Variants in CHST15 observed in about 807,000 individuals in gnomAD.
The protein encoded by CHST15 is B cell RAG associated protein (GALNAC4S-6ST).
CHST15 carries 30 observed loss-of-function variants against 53.6 expected under a neutral mutation model. The ratio of observed to expected loss-of-function variants is 0.56; its 90% confidence interval spans 0.42 to 0.76. The LOEUF is 0.76. Among genes scored for constraint, CHST15 ranks in the 30% least tolerant of loss-of-function variants. The pLI is 0.00. For synonymous variants in CHST15, 296 were observed against 289.8 expected (o/e 1.02, Z -0.22); for missense variants, 627 against 740.5 (o/e 0.85, Z 1.78).
At chr10:124,040,108 T>C (rs961900295) in intron 4 of CHST15, among the ~76,000 whole-genome samples, 1 of 152,088 alleles carries the variant, frequency 6.6e-6, no homozygotes, top group Non-Finnish European at 1.5e-5. Flanking sequence ...TGAATAAGAA[T>C]ATAAAGGACA....
At chr10:124,028,152 C>T (rs28496283) in intron 5 of CHST15, among the ~76,000 whole-genome samples, 3,264 of 152,262 alleles carry the variant, frequency 0.021, 86 homozygotes, top group African/African-American at 0.052. Context: ...AATGTGTTTA[C>T]GGAACATCAC....
chr10:124,077,151 G>A (rs1424228705), intron 1 of CHST15, among the ~76,000 whole-genome samples: 1 of 152,218 alleles, frequency 6.6e-6, no homozygotes, highest in Non-Finnish European at 1.5e-5. Context: ...CTCATTCCTG[G>A]TATATGTTAG....
Position 124,053,743 on chromosome 10 carries a change from C to T in CHST15, c.-512-7019G>A, listed in dbSNP as rs190566255. Among the ~76,000 whole-genome samples, 554 of 152,180 alleles carry T rather than the reference C, an allele frequency of 3.6e-3. 1 individual carries two copies. Among genetic ancestry groups the T allele is most frequent in the Non-Finnish European group, 6.4e-3 (434 of 67,986 alleles). On this transcript the variant is annotated intron_variant, in intron 1 of 7. Coordinates refer to ENST00000435907, the MANE Select transcript of CHST15 (RefSeq NM_001270764.2). Reference sequence around the variant, plus strand: ...GACCAGCTTGGGCAACATGGCAAAACCCTGTCTCCACAAAAAATACAAAAA... The same window carrying T: ...GACCAGCTTGGGCAACATGGCAAAATCCTGTCTCCACAAAAAATACAAAAA...
At chr10:124,068,375 C>T (rs1948812630) in intron 1 of CHST15, among the ~76,000 whole-genome samples, 1 of 152,126 alleles carries the variant, frequency 6.6e-6, no homozygotes, top group South Asian at 2.1e-4. Flanking sequence ...CTGAGATAAT[C>T]CATGGGAAGC....
rs760184420 is a variant in CHST15 at position 124,008,583 on chromosome 10, G to C, written c.*1566C>G. On this transcript the variant is annotated 3_prime_UTR_variant, in exon 8 of 8. Transcript: ENST00000435907. The stretch of plus-strand genomic sequence containing the variant: ...CAGAGCCCTCTGCACACCTTCGAAC[G>C]GGCTGTGTGTCCCTTCTCTGATGGC... 33 of 1,013,500 alleles carry C rather than the reference G, an allele frequency of 3.3e-5. No homozygotes were observed. In the South Asian group the frequency reaches 5.8e-4, roughly 18 times the overall value. The allele number at this position is 1,013,500 out of a possible 1,614,324, so 62.8% of individuals were successfully genotyped here.
In CHST15 at chr10:124,010,269, G is replaced by A. The variant is rs1946374985; in HGVS notation, c.1566C>T (p.Asp522=). 1.2e-6 allele frequency: 2 copies of A among 1,613,862 alleles called. No homozygotes were observed. The highest frequency in any genetic ancestry group is 1.3e-5 in the African/African-American group (1 of 74,930). The change falls in exon 8 of 8, where the codon GAC becomes GAT. Residue 522 remains aspartate (D), a synonymous_variant. Transcript: ENST00000435907. ...SPASNARRPE[D]RNLGPMWPIT... ...TGGGCCACATGGGCCCCAGGTTCCG[G>A]TCCTCGGGACGCCGTGCATTGGATG...
At chr10:124,021,230 G>A in intron 6 of CHST15, 26 bp downstream of exon 6, 2 of 1,556,866 alleles carry the variant, frequency 1.3e-6, no homozygotes, top group Non-Finnish European at 1.7e-6. Flanking sequence ...GCCAGCTCGG[G>A]GGGTACGGGG....
intron 5 of CHST15, among the ~76,000 whole-genome samples, chr10:124,030,404 A>G (rs1947180388): frequency 6.6e-6 from 1 of 152,240 alleles, no homozygotes; most frequent in Non-Finnish European, 1.5e-5. Flanking sequence ...CAATAAAGAC[A>G]CCGCACTACA....
chr10:124,080,402 G>A (rs925129007), intron 1 of CHST15, among the ~76,000 whole-genome samples: 12 of 152,236 alleles, frequency 7.9e-5, no homozygotes, highest in South Asian at 6.2e-4. Flanking sequence ...GGCCTTTCCC[G>A]CACACCAGCT....
chr10:124,012,405 T>C lies in CHST15; in HGVS notation c.1423A>G (p.Ile475Val). ...LSVFDKQQFL[I>V]LRLEDHASNV... ...GATGCATGATCTTCCAGGCGAAGAA[T>C]GAGAAACTGTTGCTTGTCAAAAACG... Residue 475 changes from isoleucine to valine, a missense_variant, in exon 7 of 8, where the codon ATT (isoleucine) becomes GTT (valine). Physicochemically the swap from Ile to Val is conservative, Grantham distance 29. Transcript: ENST00000435907. The C allele has an allele frequency of 1.2e-6, 2 of 1,614,092 alleles. No homozygotes were observed. The highest frequency in any genetic ancestry group is 1.3e-5 in the African/African-American group (1 of 75,008).
chr10:124,063,960 T>C (rs1401334343), intron 1 of CHST15, among the ~76,000 whole-genome samples: 1 of 152,026 alleles, frequency 6.6e-6, no homozygotes, highest in Admixed American at 6.6e-5. Context: ...GTAAACATGA[T>C]AATAAAAAAA....
intron 1 of CHST15, among the ~76,000 whole-genome samples, chr10:124,089,861 A>C (rs1949552549): frequency 6.6e-6 from 1 of 152,158 alleles, no homozygotes; most frequent in Non-Finnish European, 1.5e-5. Context: ...AGCCCCGCCA[A>C]ATCATCCCAG....
intron 1 of CHST15, among the ~76,000 whole-genome samples, chr10:124,060,765 G>T (rs559454388): frequency 6.6e-6 from 1 of 152,162 alleles, no homozygotes; most frequent in East Asian, 1.9e-4. Context: ...TTATATCCAC[G>T]TATATACTAA....
chr10:124,035,215 AC>A (rs1947429288), intron 5 of CHST15, among the ~76,000 whole-genome samples: 5 of 101,932 alleles, frequency 4.9e-5, no homozygotes, highest in African/African-American at 7.9e-5. Context: ...CCCTGGCTCT[AC>A]CCCCTAACAG....
In CHST15 at chr10:124,045,862, G is replaced by A. The variant is rs1947980955; in HGVS notation, c.351C>T (p.Pro117=). 1 of 1,613,846 alleles carries A rather than the reference G, an allele frequency of 6.2e-7. No homozygotes were observed. The highest frequency in any genetic ancestry group is 1.3e-5 in the African/African-American group (1 of 74,838). Residue 117 remains proline, a synonymous_variant, in exon 2 of 8, where the codon CCC becomes CCT. Transcript: ENST00000435907. ...CGCTGTCCATCAAGCTGGGGTTGCT[G>A]GGGAAGCCTCCGTAATGGAAAGGTG... The part of the protein sequence containing the change: ...ISSPFHYGGF[P]SNPSLMDSEN...
chr10:124,059,283 A>G (rs1214261259), intron 1 of CHST15, among the ~76,000 whole-genome samples: 1 of 152,222 alleles, frequency 6.6e-6, no homozygotes, highest in African/African-American at 2.4e-5. Context: ...CACCTGCAAC[A>G]TCAAACCTCA....
At chr10:124,045,132 A>AC (rs1947938856) in intron 2 of CHST15, among the ~76,000 whole-genome samples, 10 of 145,802 alleles carry the variant, frequency 6.9e-5, no homozygotes, top group African/African-American at 2.6e-4. Flanking sequence ...AAAAAAAAAA[A>AC]AAAAAAAAAA....
chr10:124,016,291 C>G (rs535771113), intron 6 of CHST15, among the ~76,000 whole-genome samples: 32 of 152,048 alleles, frequency 2.1e-4, no homozygotes, highest in Non-Finnish European at 3.8e-4. Context: ...CAAAGCTGCC[C>G]TCCCAGGGCT....
chr10:124,029,777 G>C (rs1376488260), intron 5 of CHST15, among the ~76,000 whole-genome samples: 1 of 152,222 alleles, frequency 6.6e-6, no homozygotes, highest in Admixed American at 6.5e-5. Context: ...GGCGGGGCCA[G>C]TATGTGACAT....
Sources: gnomAD v4.1 joint callset for allele counts (sites outside exome capture counted in the v4.1 genomes callset) on GRCh38, gnomAD v4.1.1 for gene constraint, MANE v1.5 for transcripts, NCBI Gene and HGNC (gene_info 2026-07-23, HGNC 2026-07-21) for gene names.